OSMR: variants seen among roughly 807,000 people sequenced by gnomAD.
OSMR encodes oncostatin M receptor.
In OSMR, 81 loss-of-function variants were observed where a neutral mutation model predicts 99.9. The observed-to-expected ratio is 0.81, with a 90% CI of 0.68 to 0.97. The LOEUF is 0.97. Among genes scored for constraint, OSMR ranks in the 50% least tolerant of loss-of-function variants. The pLI is 0.00. For synonymous variants in OSMR, 406 were observed against 410.4 expected, an observed-to-expected ratio of 0.99 and a Z score of 0.13; for missense variants, 1,099 against 1,153.4, an observed-to-expected ratio of 0.95 and a Z score of 0.68.
intron 2 of OSMR, chr5:38,944,481 T>C: frequency 1.9e-6 from 3 of 1,612,070 alleles, no homozygotes; most frequent in East Asian, 2.2e-5. Context: ...TAGTTGAAAC[T>C]GAACTACTCA....
intron 9 of OSMR, among the ~76,000 whole-genome samples, chr5:38,908,425 C>T (rs939486433): frequency 2.0e-5 from 3 of 152,344 alleles, no homozygotes; most frequent in Middle Eastern, 3.4e-3. Context: ...CAAACCACTG[C>T]ACTGCCCTAG....
At chr5:38,878,451 C>A (rs1201658321) in intron 3 of OSMR, among the ~76,000 whole-genome samples, 3 of 152,180 alleles carry the variant, frequency 2.0e-5, no homozygotes, top group Non-Finnish European at 2.9e-5. Flanking sequence ...CGACCTGTCT[C>A]CTGGATGGTA....
intron 1 of OSMR, chr5:38,941,095 A>G (rs1346169512): frequency 4.3e-6 from 1 of 232,808 alleles, no homozygotes; most frequent in Non-Finnish European, 8.5e-6. Flanking sequence ...TCCTGTAAAA[A>G]GTTCCAAATA....
intron 7 of OSMR, 100 bp from the exon 8 acceptor site, chr5:38,903,782 T>TA: frequency 6.6e-7 from 1 of 1,526,430 alleles, no homozygotes; most frequent in Non-Finnish European, 8.8e-7. Context: ...TGAACAAAAA[T>TA]ACTTGTTGAA....
chr5:38,861,818 C>A (rs1291242713), intron 1 of OSMR, among the ~76,000 whole-genome samples: 1 of 143,836 alleles, frequency 7.0e-6, no homozygotes, highest in Non-Finnish European at 1.5e-5. Flanking sequence ...CCAGTAGGGG[C>A]GGCTGGGCAG....
intron 3 of OSMR, among the ~76,000 whole-genome samples, chr5:38,878,092 G>A (rs1742984571): frequency 6.6e-6 from 1 of 152,144 alleles, no homozygotes; most frequent in Non-Finnish European, 1.5e-5. Context: ...CAGAGGCAGG[G>A]TGGGATCATC....
chr5:38,885,856 T>C (rs949019170), intron 6 of OSMR, 183 bp from the exon 7 acceptor site: 29 of 983,970 alleles, frequency 2.9e-5, no homozygotes, highest in Non-Finnish European at 3.5e-5. Flanking sequence ...TTTCAGCACG[T>C]ATGTCAAATT....
At chr5:38,916,829 C>T (rs1467093239) in intron 9 of OSMR, among the ~76,000 whole-genome samples, 1 of 152,124 alleles carries the variant, frequency 6.6e-6, no homozygotes, top group African/African-American at 2.4e-5. Context: ...GTTTGTAGAG[C>T]TTTCACGAAG....
chr5:38,914,764 T>TAA (rs1745801829), intron 9 of OSMR, among the ~76,000 whole-genome samples: 1 of 152,180 alleles, frequency 6.6e-6, no homozygotes, highest in South Asian at 2.1e-4. Context: ...TTCTCACTTT[T>TAA]AAGTGGGAAC....
At chr5:38,871,790 C>A (rs1742406142) in intron 2 of OSMR, among the ~76,000 whole-genome samples, 1 of 152,110 alleles carries the variant, frequency 6.6e-6, no homozygotes. Flanking sequence ...ACAATTACTA[C>A]AACATATGAT....
In OSMR at chr5:38,862,836, G is replaced by A. The variant is rs200735047; in HGVS notation, c.-13-6196G>A. Among the ~76,000 whole-genome samples, 3,329 of 150,978 alleles carry A rather than the reference G, an allele frequency of 0.022. 280 individuals carry two copies. The East Asian group carries it at 0.36, about 16-fold the overall frequency. On this transcript the variant is annotated intron_variant, in intron 1 of 17. Transcript: ENST00000274276. ...GCGGCTGGGAGGTGGAGGTTGTAGC[G>A]AGCCGAGATCACACCACTGCACTCC...
At chr5:38,904,231 T>G (rs1317598193) in intron 8 of OSMR, 122 bp from the exon 9 acceptor site, 1 of 1,539,354 alleles carries the variant, frequency 6.5e-7, no homozygotes, top group Non-Finnish European at 8.7e-7. Flanking sequence ...AAAGAAGAAC[T>G]GATCTTACTC....
At chr5:38,892,561 C>G (rs1408459692) in intron 7 of OSMR, among the ~76,000 whole-genome samples, 1 of 152,180 alleles carries the variant, frequency 6.6e-6, no homozygotes, top group Non-Finnish European at 1.5e-5. Context: ...CCACCGTAAC[C>G]AACATCCACT....
intron 1 of OSMR, among the ~76,000 whole-genome samples, chr5:38,859,129 G>C (rs561841796): frequency 6.6e-6 from 1 of 152,186 alleles, no homozygotes; most frequent in Admixed American, 6.5e-5. Context: ...ATCTGTGTTT[G>C]TTTTTGTTTC....
At chr5:38,878,058 GGTTT>G (rs1383078086) in intron 3 of OSMR, among the ~76,000 whole-genome samples, 1 of 152,130 alleles carries the variant, frequency 6.6e-6, no homozygotes, top group Non-Finnish European at 1.5e-5. Flanking sequence ...AGCACAGAGA[GGTTT>G]GTTGTGTTGC....
intron 5 of OSMR, among the ~76,000 whole-genome samples, chr5:38,884,399 A>G (rs555257352): frequency 2.2e-4 from 33 of 152,130 alleles, no homozygotes; most frequent in African/African-American, 7.7e-4. Flanking sequence ...TTTTTTGCCC[A>G]GCCATGCTGG....
chr5:38,876,065 G>T (rs1377087444), intron 2 of OSMR, 136 bp from the exon 3 acceptor site: 46 of 1,255,008 alleles, frequency 3.7e-5, no homozygotes, highest in Non-Finnish European at 4.9e-5. Flanking sequence ...GATTTCCAAG[G>T]TGTCTGATTC....
At position 38,933,601 on chromosome 5, in the gene OSMR, G is replaced by A; in HGVS notation, c.*157G>A. On this transcript the variant is annotated 3_prime_UTR_variant, in exon 18 of 18. Coordinates refer to ENST00000274276, the MANE Select transcript of OSMR (RefSeq NM_003999.3). ...AGTCTGGCTAGGTTAAAGGCCAGAG[G>A]CTATGGAACTTAACACTCCCCATTG... is the stretch of plus-strand genomic sequence containing the variant. 1.3e-6 allele frequency: 1 copy of A among 777,808 alleles called. No homozygotes were observed. The highest frequency in any genetic ancestry group is 2.1e-6 in the Non-Finnish European group (1 of 471,774). 48.2% of individuals were successfully genotyped at this position (777,808 alleles called of 1,614,324 possible).
chr5:38,880,338 T>G (rs1046641637), intron 3 of OSMR, among the ~76,000 whole-genome samples: 2 of 152,118 alleles, frequency 1.3e-5, no homozygotes, highest in Non-Finnish European at 2.9e-5. Flanking sequence ...CCCCAGTAAG[T>G]GTCATGTGTG....
Sources: allele counts gnomAD v4.1 joint callset (sites outside exome capture counted in the v4.1 genomes callset), GRCh38; gene constraint gnomAD v4.1.1; transcripts MANE v1.5; gene names NCBI Gene and HGNC (gene_info 2026-07-23, HGNC 2026-07-21).